Variants in NCAPD3 observed in about 807,000 individuals in gnomAD.
NCAPD3 encodes the protein non-SMC condensin II complex subunit D3.
Under a neutral mutation model 182.9 loss-of-function variants are expected in NCAPD3, and 105 were observed. The ratio of observed to expected loss-of-function variants is 0.57; its 90% CI spans 0.49 to 0.68. NCAPD3 has a LOEUF of 0.68. Among genes scored for constraint, NCAPD3 ranks in the 30% least tolerant of loss-of-function variants. NCAPD3 has a pLI of 0.00. For missense variants in NCAPD3, 1,944 were observed against 1,837.0 expected, an observed-to-expected ratio of 1.06 and a Z score of -1.07; for synonymous variants, 815 against 679.9, an observed-to-expected ratio of 1.20 and a Z score of -3.09.
In NCAPD3 at chr11:134,153,410, G is replaced by A. The variant is rs746953723; in HGVS notation, c.4253-47C>T. ...CTGAGTGAAAGCCGCGTGGTCTATC[G>A]GAGGTCTCTGTTCTAGTTGTCCGTG... On this transcript the variant is annotated intron_variant, in intron 32 of 34. Transcript: ENST00000534548. The A allele has an allele frequency of 8.8e-6, 14 of 1,585,598 alleles. No homozygotes were observed. The East Asian group carries it at 8.9e-5, about 10-fold the overall frequency.
chr11:134,220,692 T>C lies in NCAPD3; in HGVS notation c.99A>G (p.Thr33=). 7 of 1,614,076 alleles carry C rather than the reference T, an allele frequency of 4.3e-6. No individual in the cohort carries two copies. The highest frequency in any genetic ancestry group is 1.1e-5 in the South Asian group (1 of 91,084). ...WVDTVWELDF[T]ETEPLDPSIE... ...TGCTGGGATCCAAAGGCTCAGTCTCTGTGAAATCCAGTTCCCACACTGTGT... is the reference window on the plus strand; with the variant it reads ...TGCTGGGATCCAAAGGCTCAGTCTCCGTGAAATCCAGTTCCCACACTGTGT... Residue 33 remains threonine, a synonymous_variant, in exon 2 of 35, where the codon ACA becomes ACG. Transcript: ENST00000534548.
intron 24 of NCAPD3, among the ~76,000 whole-genome samples, chr11:134,171,721 T>TC (rs1944010172): frequency 1.3e-5 from 2 of 152,140 alleles, no homozygotes; most frequent in Admixed American, 1.3e-4. Context: ...CTCCATGTAC[T>TC]CTGCACTCCA....
At chr11:134,224,151 G>A (rs1591872905), upstream of NCAPD3, 1 of 604,456 alleles carries the variant, frequency 1.7e-6, no homozygotes, top group Non-Finnish European at 2.9e-6. Flanking sequence ...GCTCCTGCGG[G>A]TGTTCCGCTA....
upstream of NCAPD3, chr11:134,225,459 T>G: frequency 4.8e-6 from 5 of 1,039,814 alleles, no homozygotes; most frequent in Non-Finnish European, 7.2e-6. Flanking sequence ...TCAACTGCAG[T>G]CTGAGGCCTG....
rs1943189682 is a variant in NCAPD3 at position 134,150,580 on chromosome 11, G to A, written c.*2364C>T. 6.6e-6 allele frequency: 1 copy of A among 152,162 alleles called. No homozygotes were observed. 9.4% of individuals were successfully genotyped at this position (152,162 alleles called of 1,614,324 possible). On this transcript the variant is annotated 3_prime_UTR_variant, in exon 35 of 35. Coordinates refer to ENST00000534548, the MANE Select transcript of NCAPD3 (RefSeq NM_015261.3). The stretch of plus-strand genomic sequence containing the variant: ...CTTCCATGTAGCGTCCCAGCTTTGG[G>A]CTCCTGTAACAGACCTCTTTTTGGT...
At chr11:134,180,788 T>C (rs1944279267) in intron 20 of NCAPD3, among the ~76,000 whole-genome samples, 1 of 152,212 alleles carries the variant, frequency 6.6e-6, no homozygotes, top group South Asian at 2.1e-4. Flanking sequence ...AGCTTGACTA[T>C]ACCAACCTTA....
intron 24 of NCAPD3, among the ~76,000 whole-genome samples, chr11:134,170,528 G>A (rs557033032): frequency 2.0e-4 from 30 of 152,362 alleles, no homozygotes; most frequent in Admixed American, 6.5e-5. Flanking sequence ...TCCACATTAT[G>A]TGAACTTTCT....
Position 134,160,060 on chromosome 11 carries a change from A to G in NCAPD3, c.3699T>C (p.Asp1233=), listed in dbSNP as rs781060765. 6 of 1,613,994 alleles carry G rather than the reference A, an allele frequency of 3.7e-6. No homozygotes were observed. The highest frequency in any genetic ancestry group is 3.4e-6 in the Non-Finnish European group (4 of 1,179,990). ...AGAAGTCCTTGAGCTCATCTCGGTA[A>G]TCCTGCATCACCTCCTGAAACAGAG... ...LMHYLREVMQ[D]YRDELKDFFA... is the part of the protein sequence containing the mutation. The change falls in exon 29 of 35, where the codon GAT becomes GAC. Residue 1233 remains aspartate (D), a synonymous_variant. Transcript: ENST00000534548.
intron 2 of NCAPD3, among the ~76,000 whole-genome samples, chr11:134,217,809 A>G (rs1316752562): frequency 6.6e-6 from 1 of 152,222 alleles, no homozygotes; most frequent in East Asian, 1.9e-4. Context: ...TACGGGAGAA[A>G]TCATCTCCAC....
chr11:134,194,697 C>T lies in NCAPD3; in HGVS notation c.1657G>A (p.Glu553Lys), dbSNP rs1944589789. 1 of 1,609,714 alleles carries T rather than the reference C, an allele frequency of 6.2e-7. No homozygotes were observed. The highest frequency in any genetic ancestry group is 1.7e-4 in the Middle Eastern group (1 of 6,042). ...GCAGACTTCCTAACGTTGGTCTTCTCATCCCTGATCCTCCTTCTCAGCATT... is the reference window on the plus strand; with the variant it reads ...GCAGACTTCCTAACGTTGGTCTTCTTATCCCTGATCCTCCTTCTCAGCATT... The part of the protein sequence containing the change: ...MAMLRRRIRD[E>K]KTNVRKSALQ... Residue 553 changes from glutamate to lysine, a missense_variant, in exon 14 of 35, where the codon GAG becomes AAG. By Grantham distance (56) the Glu-to-Lys change is moderately conservative (BLOSUM62 1). Coordinates refer to ENST00000534548, the MANE Select transcript of NCAPD3 (RefSeq NM_015261.3).
intron 27 of NCAPD3, among the ~76,000 whole-genome samples, chr11:134,165,318 T>A (rs773791865): frequency 2.0e-5 from 3 of 150,824 alleles, no homozygotes; most frequent in Non-Finnish European, 4.4e-5. Context: ...CACTCACTTG[T>A]GACATGAGCT....
intron 27 of NCAPD3, among the ~76,000 whole-genome samples, chr11:134,165,859 G>A (rs1943769847): frequency 1.5e-5 from 2 of 135,878 alleles, no homozygotes; most frequent in Admixed American, 7.4e-5. Context: ...TGAGCTTAGG[G>A]GAGCTGCACA....
At chr11:134,158,532 C>T (rs747783327) in intron 29 of NCAPD3, 37 bp from the exon 30 acceptor site, 5 of 1,590,072 alleles carry the variant, frequency 3.1e-6, no homozygotes, top group Non-Finnish European at 4.3e-6. Context: ...CATTCTAATA[C>T]TTTTTAAGTT....
intron 32 of NCAPD3, among the ~76,000 whole-genome samples, chr11:134,156,056 G>A (rs1943411062): frequency 6.6e-6 from 1 of 152,254 alleles, no homozygotes; most frequent in South Asian, 2.1e-4. Context: ...TTGCTGCTCT[G>A]TTACCAGGAA....
rs1206948664 is a variant in NCAPD3, at chr11:134,168,529, C to T, written c.3313G>A (p.Glu1105Lys). 1 of 1,614,146 alleles carries T rather than the reference C, an allele frequency of 6.2e-7. No individual in the cohort carries two copies. Among genetic ancestry groups the T allele is most frequent in the Non-Finnish European group, 8.5e-7 (1 of 1,180,012 alleles). ...AATCGCTGTTCATCTGTGAAGTGCT[C>T]TAGAAGAAATTTGTAGATTTTCATT... ...RRMKIYKFLL[E>K]HFTDEQRFNI... Residue 1105 changes from glutamate to lysine, a missense_variant, in exon 26 of 35, where the codon GAG (glutamate) becomes AAG (lysine). Physicochemically the swap from Glu to Lys is moderately conservative, Grantham distance 56. Around this residue, in one of 3 missense-constraint regions of NCAPD3, gnomAD observed 1,803 missense variants for 1,674.6 expected, o/e 1.08. Transcript: ENST00000534548.
chr11:134,184,701 C>T lies in NCAPD3; in HGVS notation c.2387G>A (p.Ser796Asn). The change falls in exon 19 of 35, where the codon AGT becomes AAT. Residue 796 changes from serine (S) to asparagine (N), a missense_variant. Transcript: ENST00000534548. ...CCTCTGCAAGGCGTCAACAGCTGAA[C>T]TGATCACCTCTAGAGACCACTGAAA... ...NGFQWSLEVI[S>N]SAVDALQRLC... 2 of 1,614,044 alleles carry T rather than the reference C, an allele frequency of 1.2e-6. No individual in the cohort carries two copies. Among genetic ancestry groups the T allele is most frequent in the Non-Finnish European group, 1.7e-6 (2 of 1,179,988 alleles).
chr11:134,195,665 T>C (rs1286419350), intron 13 of NCAPD3, among the ~76,000 whole-genome samples: 1 of 152,128 alleles, frequency 6.6e-6, no homozygotes, highest in African/African-American at 2.4e-5. Context: ...GAGGATCAAC[T>C]GAGCCCAGGA....
chr11:134,217,104 G>GA lies in NCAPD3; in HGVS notation c.220-7_220-6insT. Reference sequence around the variant, plus strand: ...ATGAAGAAGGTCCAGATACTCTGTGGGGAGACCGCAAATCACAAAAGCCAG... The same window carrying GA: ...ATGAAGAAGGTCCAGATACTCTGTGGAGGAGACCGCAAATCACAAAAGCCAG... On this transcript the variant is annotated splice_region_variant and splice_polypyrimidine_tract_variant and intron_variant, in intron 2 of 34. Coordinates refer to ENST00000534548, the MANE Select transcript of NCAPD3 (RefSeq NM_015261.3). 1 of 1,569,878 alleles carries GA rather than the reference G, an allele frequency of 6.4e-7. No homozygotes were observed. Among genetic ancestry groups the GA allele is most frequent in the Non-Finnish European group, 8.6e-7 (1 of 1,161,486 alleles).
chr11:134,164,854 A>G (rs1251172366), intron 27 of NCAPD3, among the ~76,000 whole-genome samples: 4 of 149,930 alleles, frequency 2.7e-5, no homozygotes, highest in South Asian at 4.3e-4. Flanking sequence ...CACGTGTGAC[A>G]TGAGCTTGAG....
Sources: allele counts gnomAD v4.1 joint callset (sites outside exome capture counted in the v4.1 genomes callset), GRCh38; gene constraint gnomAD v4.1.1; regional missense constraint gnomAD v4.1.1; transcripts MANE v1.5; gene names NCBI Gene and HGNC (gene_info 2026-07-23, HGNC 2026-07-21).